Variants in AK4 observed in about 807,000 individuals in gnomAD.
AK4 encodes the protein adenylate kinase 4.
A neutral mutation model predicts 24.6 loss-of-function variants in AK4; 13 were observed. The ratio of observed to expected loss-of-function variants is 0.53; its 90% CI spans 0.34 to 0.84. The LOEUF is 0.84. AK4 is among the 40% of genes least tolerant of loss of function. The pLI, the probability that AK4 is intolerant of heterozygous loss-of-function variation, is 0.01. For synonymous variants in AK4, 88 were observed against 107.0 expected, an observed-to-expected ratio of 0.82 and a Z score of 1.10; for missense variants, 192 against 288.2, an observed-to-expected ratio of 0.67 and a Z score of 2.42.
intron 2 of AK4, among the ~76,000 whole-genome samples, chr1:65,192,258 C>G (rs1651329996): frequency 6.6e-6 from 1 of 152,182 alleles, no homozygotes; most frequent in African/African-American, 2.4e-5. Flanking sequence ...TGCATCATCC[C>G]ATGGCAGAAG....
At chr1:65,183,691 G>GTGTA (rs1312332979) in intron 1 of AK4, among the ~76,000 whole-genome samples, 15 of 134,054 alleles carry the variant, frequency 1.1e-4, no homozygotes, top group African/African-American at 4.1e-4. Context: ...GTGTGTGTGT[G>GTGTA]TGTATGTATG....
chr1:65,157,944 T>C (rs1453515259), intron 1 of AK4, among the ~76,000 whole-genome samples: 1 of 152,184 alleles, frequency 6.6e-6, no homozygotes, highest in Non-Finnish European at 1.5e-5. Flanking sequence ...TACAAAAAGA[T>C]GGCATGGTCA....
At chr1:65,208,283 C>A (rs1334997787) in intron 2 of AK4, among the ~76,000 whole-genome samples, 2 of 152,030 alleles carry the variant, frequency 1.3e-5, no homozygotes, top group Non-Finnish European at 2.9e-5. Flanking sequence ...ATATGGAGGT[C>A]TTTGATACAT....
chr1:65,184,774 T>G (rs1651030421), intron 1 of AK4, among the ~76,000 whole-genome samples: 1 of 152,216 alleles, frequency 6.6e-6, no homozygotes, highest in Non-Finnish European at 1.5e-5. Context: ...TGTAGTTTGC[T>G]GTTGTCATGA....
At position 65,229,331 on chromosome 1, in the gene AK4, CA is replaced by C. The variant is rs1235651959; in HGVS notation, c.*3156del. 6.6e-6 allele frequency: 1 copy of C among 152,164 alleles called. No individual in the cohort carries two copies. Among genetic ancestry groups the C allele is most frequent in the African/African-American group, 2.4e-5 (1 of 41,414 alleles). The allele number at this position is 152,164 out of a possible 1,614,324, so 9.4% of individuals were successfully genotyped here. ...GGAAGGTTGTCGGAGGCCAAAAGTTCAAGACCAGGCTGGGCAATATCACAAG... is the reference window on the plus strand; with the variant it reads ...GGAAGGTTGTCGGAGGCCAAAAGTTCAGACCAGGCTGGGCAATATCACAAG... On this transcript the variant is annotated 3_prime_UTR_variant, in exon 5 of 5. Transcript: ENST00000327299.
intron 2 of AK4, among the ~76,000 whole-genome samples, chr1:65,207,672 T>C (rs993292531): frequency 6.6e-6 from 1 of 152,006 alleles, no homozygotes; most frequent in Admixed American, 6.6e-5. Context: ...TAGTACCTGA[T>C]AGGTAGCTTT....
chr1:65,201,504 C>T (rs1454394933), intron 2 of AK4, among the ~76,000 whole-genome samples: 1 of 152,016 alleles, frequency 6.6e-6, no homozygotes, highest in Non-Finnish European at 1.5e-5. Flanking sequence ...TTGACTGGAC[C>T]CTAGCAAAGC....
chr1:65,154,628 T>C (rs1649914562), intron 1 of AK4: 1 of 489,634 alleles, frequency 2.0e-6, no homozygotes, highest in Non-Finnish European at 4.1e-6. Flanking sequence ...GCGAACGATA[T>C]CAGTTTTATT....
In AK4 at chr1:65,231,767, T is replaced by C. The variant is rs984823656; in HGVS notation, c.*5590T>C. On this transcript the variant is annotated 3_prime_UTR_variant, in exon 5 of 5. Transcript: ENST00000327299. ...AATTTGTACTACTGATTTTTATATA[T>C]TCCTGTTTTTGAGATGAACAGATCT... The C allele has an allele frequency of 1.3e-5, 2 of 152,232 alleles. No homozygotes were observed. Among genetic ancestry groups the C allele is most frequent in the Admixed American group, 6.5e-5 (1 of 15,284 alleles). 9.4% of individuals were successfully genotyped at this position (152,232 alleles called of 1,614,324 possible).
intron 1 of AK4, among the ~76,000 whole-genome samples, chr1:65,155,222 A>G (rs1165892190): frequency 6.6e-6 from 1 of 151,214 alleles, no homozygotes; most frequent in Non-Finnish European, 1.5e-5. Context: ...GTGCTACTTT[A>G]TTTGTGTACT....
At chr1:65,206,572 T>C (rs1651817969) in intron 2 of AK4, among the ~76,000 whole-genome samples, 3 of 152,232 alleles carry the variant, frequency 2.0e-5, no homozygotes. Flanking sequence ...CATCTGCGTG[T>C]GCGTGTGTGC....
intron 2 of AK4, among the ~76,000 whole-genome samples, chr1:65,210,042 A>G (rs370648025): frequency 6.6e-5 from 10 of 152,182 alleles, no homozygotes; most frequent in East Asian, 5.8e-4. Context: ...TCCTGGGCTC[A>G]AGTGAAATCC....
intron 4 of AK4, among the ~76,000 whole-genome samples, chr1:65,225,703 T>G (rs1490954570): frequency 5.9e-5 from 9 of 152,208 alleles, no homozygotes; most frequent in Admixed American, 5.9e-4. Context: ...ATACATCAAT[T>G]ATGTATTCCA....
At chr1:65,218,089 T>C (rs1429999564) in intron 2 of AK4, among the ~76,000 whole-genome samples, 3 of 152,210 alleles carry the variant, frequency 2.0e-5, no homozygotes, top group Non-Finnish European at 4.4e-5. Flanking sequence ...GTATTTATGA[T>C]AGTCACCATG....
intron 1 of AK4, among the ~76,000 whole-genome samples, chr1:65,180,810 G>A (rs940874060): frequency 1.3e-5 from 2 of 152,082 alleles, no homozygotes; most frequent in African/African-American, 2.4e-5. Context: ...ATGTGTGTGC[G>A]CAGGTGCGCA....
Position 65,226,869 on chromosome 1 carries a change from T to C in AK4, c.*692T>C, listed in dbSNP as rs1226162458. 6.6e-6 allele frequency: 1 copy of C among 150,486 alleles called. No homozygotes were observed. Among genetic ancestry groups the C allele is most frequent in the Non-Finnish European group, 1.5e-5 (1 of 67,968 alleles). 9.3% of individuals were successfully genotyped at this position (150,486 alleles called of 1,614,324 possible). On this transcript the variant is annotated 3_prime_UTR_variant, in exon 5 of 5. Transcript: ENST00000327299. The stretch of plus-strand genomic sequence containing the variant: ...TCTTAGGCTTTTAAACAATAGTTAT[T>C]GCTTTTATCCCTCTCAGATTCTAAT...
intron 1 of AK4, among the ~76,000 whole-genome samples, chr1:65,183,662 TG>T (rs1166649775): frequency 1.3e-5 from 2 of 148,932 alleles, no homozygotes; most frequent in Non-Finnish European, 3.0e-5. Flanking sequence ...TGTGTGTGTG[TG>T]TGTGTGTGTG....
intron 1 of AK4, among the ~76,000 whole-genome samples, chr1:65,174,164 C>G (rs917075010): frequency 2.6e-5 from 4 of 152,118 alleles, no homozygotes; most frequent in Admixed American, 2.0e-4. Context: ...CCCTCTTCAC[C>G]CTCAACCCCC....
intron 1 of AK4, among the ~76,000 whole-genome samples, chr1:65,161,576 A>G (rs1177025281): frequency 1.3e-5 from 2 of 152,154 alleles, no homozygotes; most frequent in East Asian, 1.9e-4. Context: ...TGTTGCAGCT[A>G]CAGGTCATTT....
Sources: gnomAD v4.1 joint callset for allele counts (sites outside exome capture counted in the v4.1 genomes callset) on GRCh38, gnomAD v4.1.1 for gene constraint, MANE v1.5 for transcripts, NCBI Gene and HGNC (gene_info 2026-07-23, HGNC 2026-07-21) for gene names.